The following RABGEF1 variants were observed in gnomAD, a reference collection of about 807,000 sequenced individuals.
The protein encoded by RABGEF1 is RAB guanine nucleotide exchange factor 1.
Under a neutral mutation model 57.3 loss-of-function variants are expected in RABGEF1, and 26 were observed. That is an observed-to-expected ratio of 0.45 (90% CI 0.33 to 0.63). RABGEF1 has a LOEUF of 0.63. Ranked by LOEUF, RABGEF1 falls within the 20% of genes least tolerant of loss-of-function variation. The pLI is 0.02. For synonymous variants in RABGEF1, 185 were observed against 210.7 expected (o/e 0.88, Z 1.06); for missense variants, 464 against 607.6 (o/e 0.76, Z 2.48).
chr7:66,692,163 C>T (rs777884139), intron 1 of RABGEF1, among the ~76,000 whole-genome samples: 19 of 152,208 alleles, frequency 1.2e-4, no homozygotes, highest in East Asian at 3.8e-4. Flanking sequence ...GTAGCTCTAC[C>T]GGCTGCCATA....
intron 7 of RABGEF1, among the ~76,000 whole-genome samples, chr7:66,803,612 C>T (rs371649195): frequency 3.9e-5 from 6 of 152,222 alleles, no homozygotes; most frequent in African/African-American, 1.2e-4. Context: ...ATTTTTCTGC[C>T]GGGAGCAGTG....
At chr7:66,655,097 G>T in the RABGEF1 span, among the ~76,000 whole-genome samples, 1 of 152,230 alleles carries the variant, frequency 6.6e-6, no homozygotes, top group East Asian at 1.9e-4. Flanking sequence ...GCTCTTGGCC[G>T]CGACAGGGGC....
At chr7:66,744,201 G>T (rs1379169116) in intron 1 of RABGEF1, among the ~76,000 whole-genome samples, 1 of 151,366 alleles carries the variant, frequency 6.6e-6, no homozygotes, top group Non-Finnish European at 1.5e-5. Flanking sequence ...GCGCCACCAC[G>T]CCCAGCTAAT....
intron 7 of RABGEF1, 107 bp from the exon 8 acceptor site, chr7:66,805,033 G>A (rs1383642281): frequency 8.1e-7 from 1 of 1,238,076 alleles, no homozygotes; most frequent in Non-Finnish European, 1.1e-6. Context: ...CTGGAAAAGG[G>A]GTTAATAAGG....
At chr7:66,655,031 C>T in the RABGEF1 span, among the ~76,000 whole-genome samples, 22 of 152,208 alleles carry the variant, frequency 1.4e-4, no homozygotes, top group Non-Finnish European at 2.6e-4. Context: ...CGCGCGGGGC[C>T]CCTCCCATGA....
At chr7:66,792,471 G>A (rs546555866) in intron 4 of RABGEF1, among the ~76,000 whole-genome samples, 2 of 152,198 alleles carry the variant, frequency 1.3e-5, no homozygotes, top group Non-Finnish European at 2.9e-5. Flanking sequence ...CCGAGTATCT[G>A]TTCCTATAGG....
chr7:66,746,613 ATAACCTTTTTT>A (rs1800292463), intron 1 of RABGEF1, among the ~76,000 whole-genome samples: 1 of 122,890 alleles, frequency 8.1e-6, no homozygotes, highest in Non-Finnish European at 1.7e-5. Context: ...TATTTATAAT[ATAACCTTTTTT>A]TTTTTTTTTT....
At chr7:66,715,508 T>C (rs930029201) in intron 2 of RABGEF1, among the ~76,000 whole-genome samples, 8 of 152,372 alleles carry the variant, frequency 5.3e-5, no homozygotes, top group African/African-American at 1.9e-4. Flanking sequence ...TGACATGTTC[T>C]ATTTTCATTT....
intron 4 of RABGEF1, among the ~76,000 whole-genome samples, chr7:66,794,086 T>A (rs778289327): frequency 1.3e-5 from 2 of 152,194 alleles, no homozygotes; most frequent in Non-Finnish European, 2.9e-5. Flanking sequence ...TAGTGATGGT[T>A]GCTAAAAAAT....
At chr7:66,675,708 A>G in the RABGEF1 span, among the ~76,000 whole-genome samples, 3 of 152,208 alleles carry the variant, frequency 2.0e-5, no homozygotes, top group Non-Finnish European at 4.4e-5. Context: ...GAAAACTGTT[A>G]GAACTAATAA....
chr7:66,737,106 G>C (rs1333581052), upstream of RABGEF1, among the ~76,000 whole-genome samples: 1 of 151,816 alleles, frequency 6.6e-6, no homozygotes, highest in African/African-American at 2.4e-5. Context: ...GAGAGAGAGA[G>C]AGAGAGAGAG....
At chr7:66,709,435 A>G (rs1188030895) in intron 1 of RABGEF1, among the ~76,000 whole-genome samples, 1 of 152,210 alleles carries the variant, frequency 6.6e-6, no homozygotes, top group Non-Finnish European at 1.5e-5. Flanking sequence ...AACTAGTGCT[A>G]TCTACATAAA....
At chr7:66,734,597 ATTTTTTTTTTTTTTTT>A (rs550927387) in intron 2 of RABGEF1, among the ~76,000 whole-genome samples, 1 of 119,750 alleles carries the variant, frequency 8.4e-6, no homozygotes, top group Non-Finnish European at 1.8e-5. Context: ...TGCCTGGCTA[ATTTTTTTTTTTTTTTT>A]TTTTTAGTAG....
At chr7:66,713,364 G>A (rs542519840) in intron 2 of RABGEF1, among the ~76,000 whole-genome samples, 6 of 151,940 alleles carry the variant, frequency 3.9e-5, no homozygotes, top group Non-Finnish European at 8.8e-5. Context: ...TCCTGACCTC[G>A]TGATCGGCCC....
intron 2 of RABGEF1, among the ~76,000 whole-genome samples, chr7:66,733,892 C>A (rs10224536): frequency 0.09 from 13,718 of 152,176 alleles, 763 homozygotes; most frequent in Non-Finnish European, 0.11. Context: ...GTAATCCCAG[C>A]TCCTCAGGAT....
intron 1 of RABGEF1, among the ~76,000 whole-genome samples, chr7:66,696,579 A>G (rs548952044): frequency 1.4e-5 from 2 of 147,842 alleles, no homozygotes; most frequent in South Asian, 4.4e-4. Flanking sequence ...ATTCCCAGCT[A>G]TTTGGGAGGC....
chr7:66,786,892 C>G (rs1811308231), intron 4 of RABGEF1, among the ~76,000 whole-genome samples: 1 of 152,194 alleles, frequency 6.6e-6, no homozygotes, highest in Admixed American at 6.5e-5. Context: ...AACACAAAAT[C>G]CTTTTATGTT....
At chr7:66,723,342 T>C (rs1041416825) in intron 2 of RABGEF1, among the ~76,000 whole-genome samples, 7 of 152,198 alleles carry the variant, frequency 4.6e-5, no homozygotes, top group African/African-American at 1.7e-4. Flanking sequence ...TTTGACCCAT[T>C]AGCTATTTGT....
At chr7:66,704,825 A>C (rs1205393825) in intron 1 of RABGEF1, among the ~76,000 whole-genome samples, 2 of 152,074 alleles carry the variant, frequency 1.3e-5, no homozygotes, top group African/African-American at 4.8e-5. Flanking sequence ...AAAAAAAAAA[A>C]AGTTTAAATA....
Sources: allele counts gnomAD v4.1 joint callset (sites outside exome capture counted in the v4.1 genomes callset), GRCh38; gene constraint gnomAD v4.1.1; transcripts MANE v1.5; gene names NCBI Gene and HGNC (gene_info 2026-07-23, HGNC 2026-07-21).